PIK3R6: variants seen among roughly 807,000 people sequenced by gnomAD.
The protein encoded by PIK3R6 is phosphoinositide 3-kinase regulatory subunit 6.
PIK3R6 carries 91 observed loss-of-function variants against 84.9 expected under a neutral mutation model. That is an observed-to-expected ratio of 1.07 (90% CI 0.90 to 1.28). PIK3R6 has a LOEUF of 1.28. PIK3R6 is among the 50% of genes most tolerant of loss of function. The probability of loss-of-function intolerance (pLI) is 0.00; values close to 1 mark genes in which losing one functional copy is unlikely to be tolerated. For synonymous variants in PIK3R6, 416 were observed against 411.4 expected (o/e 1.01, Z -0.13); for missense variants, 996 against 985.1 (o/e 1.01, Z -0.15).
At chr17:8,843,747 C>T (rs1468461037) in intron 2 of PIK3R6, among the ~76,000 whole-genome samples, 1 of 152,080 alleles carries the variant, frequency 6.6e-6, no homozygotes, top group African/African-American at 2.4e-5. Flanking sequence ...TGACACCGAA[C>T]CTGGATTCTT....
chr17:8,826,410 A>G (rs1348162342), intron 13 of PIK3R6, among the ~76,000 whole-genome samples: 2 of 152,230 alleles, frequency 1.3e-5, no homozygotes, highest in Non-Finnish European at 2.9e-5. Flanking sequence ...GGACAAAGAA[A>G]TTGTGGCACA....
In PIK3R6 at chr17:8,828,653, G is replaced by A. The variant is rs777380169; in HGVS notation, c.1227C>T (p.Gly409=). ...CCCGGGCTGTGTGCAGCCGGGACACGCCGGGCAGCATTTCCCCATCCCCAC... is the reference window on the plus strand; with the variant it reads ...CCCGGGCTGTGTGCAGCCGGGACACACCGGGCAGCATTTCCCCATCCCCAC... ...RPSGDGEMLP[G]VSRLHTARVL... Residue 409 remains glycine (G), a synonymous_variant, in exon 11 of 20, where the codon GGC becomes GGT. Transcript: ENST00000619866. 5.8e-5 allele frequency: 94 copies of A among 1,612,984 alleles called. No homozygotes were observed. The highest frequency in any genetic ancestry group is 7.3e-5 in the Non-Finnish European group (86 of 1,179,626).
At chr17:8,859,032 GA>G (rs57554704) in intron 1 of PIK3R6, among the ~76,000 whole-genome samples, 152,370 of 152,370 alleles carry the variant, frequency 1, 76,185 homozygotes, top group Non-Finnish European at 1. Flanking sequence ...TGGGAAGCCG[GA>G]ATAAGCACAT....
At chr17:8,846,730 A>G (rs1290780468) in intron 2 of PIK3R6, among the ~76,000 whole-genome samples, 2 of 152,082 alleles carry the variant, frequency 1.3e-5, no homozygotes, top group Non-Finnish European at 2.9e-5. Flanking sequence ...ACACACAGAG[A>G]ATCTTCCATA....
At chr17:8,824,318 T>C (rs901518760) in intron 13 of PIK3R6, among the ~76,000 whole-genome samples, 2 of 152,226 alleles carry the variant, frequency 1.3e-5, no homozygotes, top group East Asian at 1.9e-4. Flanking sequence ...GAATGGACTA[T>C]GCGTCTTGTC....
At chr17:8,849,650 C>T (rs2088894463) in intron 2 of PIK3R6, 132 bp downstream of exon 2, 3 of 1,038,674 alleles carry the variant, frequency 2.9e-6, no homozygotes, top group Non-Finnish European at 2.6e-6. Flanking sequence ...AGGCAGGATC[C>T]CTGAATTGGG....
At chr17:8,819,685 TATATACACAC>T (rs1465061316) in intron 17 of PIK3R6, among the ~76,000 whole-genome samples, 1 of 139,454 alleles carries the variant, frequency 7.2e-6, no homozygotes, top group African/African-American at 2.8e-5. Flanking sequence ...TATATATATA[TATATACACAC>T]ACACACACAC....
intron 12 of PIK3R6, 148 bp from the exon 13 acceptor site, chr17:8,827,442 G>A: frequency 9.8e-7 from 1 of 1,020,956 alleles, no homozygotes; most frequent in Non-Finnish European, 1.4e-6. Context: ...TCGTTGTTCT[G>A]TTTTATAAAC....
intron 1 of PIK3R6, among the ~76,000 whole-genome samples, chr17:8,861,259 T>C (rs2089277050): frequency 2.0e-5 from 3 of 151,716 alleles, no homozygotes; most frequent in African/African-American, 7.3e-5. Context: ...CAAGTTGTGG[T>C]TCACAAAGAG....
intron 1 of PIK3R6, among the ~76,000 whole-genome samples, chr17:8,850,548 C>T (rs765459023): frequency 4.1e-4 from 63 of 152,318 alleles, no homozygotes; most frequent in Non-Finnish European, 7.9e-4. Context: ...CTCAGACCGT[C>T]TGGCTCTAGA....
intron 9 of PIK3R6, 83 bp downstream of exon 9, chr17:8,832,806 C>T (rs960795178): frequency 3.1e-6 from 5 of 1,588,362 alleles, no homozygotes; most frequent in African/African-American, 2.7e-5. Flanking sequence ...GCAGGTCCAG[C>T]GCTGCTCTCT....
At chr17:8,823,739 G>T (rs907824669) in intron 13 of PIK3R6, among the ~76,000 whole-genome samples, 1 of 152,150 alleles carries the variant, frequency 6.6e-6, no homozygotes, top group Non-Finnish European at 1.5e-5. Context: ...ACTACTGAGC[G>T]CTGCTATGTG....
chr17:8,853,484 C>CAAAAAAAAAA (rs56939877), intron 1 of PIK3R6, among the ~76,000 whole-genome samples: 2 of 104,460 alleles, frequency 1.9e-5, no homozygotes, highest in African/African-American at 6.8e-5. Flanking sequence ...GACTCCATCT[C>CAAAAAAAAAA]AAAAAAAAAA....
In PIK3R6 at chr17:8,862,820, G is replaced by T. The variant is rs967497188; in HGVS notation, c.-92+4709C>A. Among the ~76,000 whole-genome samples the T allele has an allele frequency of 6.6e-6, 1 of 152,180 alleles. No homozygotes were observed. Among genetic ancestry groups the T allele is most frequent in the Non-Finnish European group, 1.5e-5 (1 of 68,038 alleles). On this transcript the variant is annotated intron_variant, in intron 1 of 19. Transcript: ENST00000619866. This position sits in a 1 kb window ranked among gnomAD's most constrained non-coding sequence, Gnocchi z 4.3. ...AGACTCCTGGCAGCCAAAATAGGCA[G>T]CGGGAAAGTGGCTGAGGGACAAATC...
chr17:8,840,857 A>G (rs1262682622), intron 2 of PIK3R6, among the ~76,000 whole-genome samples: 4 of 151,600 alleles, frequency 2.6e-5, no homozygotes, highest in Admixed American at 2.6e-4. Flanking sequence ...GGTTCACGCC[A>G]TTCTCCTGCC....
chr17:8,832,946 C>T lies in PIK3R6; in HGVS notation c.745G>A (p.Glu249Lys), dbSNP rs754376115. Reference protein sequence around the residue: ...EASPSREGHVERLEEIYCSLL... With the variant: ...EASPSREGHVKRLEEIYCSLL... ...GAGCAGTAAATCTCCTCCAGCCTCT[C>T]TACGTGTCCCTCCCGGCTCGGGCTG... Residue 249 changes from glutamate to lysine, a missense_variant, in exon 9 of 20, where the codon GAG becomes AAG. Coordinates refer to ENST00000619866, the MANE Select transcript of PIK3R6 (RefSeq NM_001010855.4). 5.0e-6 allele frequency: 8 copies of T among 1,612,998 alleles called. No individual in the cohort carries two copies. In the East Asian group the frequency reaches 1.3e-4, roughly 27 times the overall value.
chr17:8,853,281 G>A (rs866647293), intron 1 of PIK3R6, among the ~76,000 whole-genome samples: 2 of 150,418 alleles, frequency 1.3e-5, no homozygotes, highest in African/African-American at 2.4e-5. Flanking sequence ...ATCAGCAGAT[G>A]GAGACCATCC....
intron 1 of PIK3R6, among the ~76,000 whole-genome samples, chr17:8,855,641 C>A (rs900278791): frequency 2.0e-5 from 3 of 152,168 alleles, no homozygotes; most frequent in African/African-American, 7.2e-5. Context: ...ATGTGCAGAA[C>A]GTGCAGGTTT....
intron 2 of PIK3R6, 71 bp downstream of exon 2, chr17:8,849,711 C>T (rs2088896078): frequency 1.3e-6 from 2 of 1,526,314 alleles, no homozygotes; most frequent in South Asian, 2.5e-5. Context: ...TAGAGGCATC[C>T]TCACCCATGA....
Sources: gnomAD v4.1 joint callset for allele counts (sites outside exome capture counted in the v4.1 genomes callset) on GRCh38, gnomAD v4.1.1 for gene constraint, Gnocchi (gnomAD v3.1) non-coding constraint, MANE v1.5 for transcripts, NCBI Gene and HGNC (gene_info 2026-07-23, HGNC 2026-07-21) for gene names.